Variants in PPFIBP2 observed in about 807,000 individuals in gnomAD.
The protein encoded by PPFIBP2 is liprin-beta-2.
Under a neutral mutation model 118.3 loss-of-function variants are expected in PPFIBP2, and 118 were observed. The ratio of observed to expected loss-of-function variants is 1.00; its 90% CI spans 0.86 to 1.16. The LOEUF is 1.16. PPFIBP2 is among the 50% of genes most tolerant of loss of function. PPFIBP2 has a pLI of 0.00. For synonymous variants in PPFIBP2, 414 were observed against 397.4 expected (o/e 1.04, Z -0.50); for missense variants, 1,195 against 1,073.1 (o/e 1.11, Z -1.59).
downstream of PPFIBP2, among the ~76,000 whole-genome samples, chr11:7,660,541 C>T (rs1045566796): frequency 1.3e-5 from 2 of 149,664 alleles, no homozygotes; most frequent in Admixed American, 6.7e-5. Context: ...CTGCTGGATT[C>T]GTTTTGCCAG....
At chr11:7,554,618 C>T (rs1275892982) in intron 2 of PPFIBP2, among the ~76,000 whole-genome samples, 1 of 152,000 alleles carries the variant, frequency 6.6e-6, no homozygotes, top group Non-Finnish European at 1.5e-5. Flanking sequence ...ATATGCCCCT[C>T]CAGAGCCACG....
At chr11:7,638,385 C>T (rs930748023) in intron 14 of PPFIBP2, among the ~76,000 whole-genome samples, 1 of 152,210 alleles carries the variant, frequency 6.6e-6, no homozygotes, top group African/African-American at 2.4e-5. Context: ...GTTACTTCTA[C>T]TCCACCAGCC....
the PPFIBP2 span, among the ~76,000 whole-genome samples, chr11:7,664,716 T>A: frequency 2.0e-5 from 3 of 151,840 alleles, no homozygotes; most frequent in African/African-American, 7.3e-5. Flanking sequence ...CCTGGAGAGA[T>A]GGGGGTGGCC....
At chr11:7,542,366 A>G (rs370634477) in intron 1 of PPFIBP2, among the ~76,000 whole-genome samples, 7 of 152,224 alleles carry the variant, frequency 4.6e-5, no homozygotes, top group East Asian at 1.9e-4. Context: ...TGTGCCTGCC[A>G]TGCCACATGT....
Position 7,610,353 on chromosome 11 carries a change from G to A in PPFIBP2, c.549G>A (p.Glu183=). The A allele has an allele frequency of 4.3e-6, 7 of 1,614,216 alleles. No homozygotes were observed. Among genetic ancestry groups the A allele is most frequent in the Non-Finnish European group, 5.9e-6 (7 of 1,180,038 alleles). Residue 183 remains glutamate (E), a synonymous_variant, in exon 6 of 24, where the codon GAG becomes GAA. Transcript: ENST00000299492. ...TCGATCTGATGACTGAAGTGTCTGA[G>A]CTGAAGCTCAAGCTGGTTGGCATGG... ...QKLDLMTEVS[E]LKLKLVGMEK...
chr11:7,562,929 T>TTATTTATA (rs1854463149), intron 2 of PPFIBP2, among the ~76,000 whole-genome samples: 1 of 86,536 alleles, frequency 1.2e-5, no homozygotes, highest in East Asian at 4.1e-4. Flanking sequence ...AATTAAAGTT[T>TTATTTATA]TATATATATA....
rs565536074 is a variant in PPFIBP2, at chr11:7,639,500, A to C, written c.1237-232A>C. On this transcript the variant is annotated intron_variant, in intron 14 of 23. Transcript: ENST00000299492. ...TAGAGTCAGTTTCAGTCAGCCCCAG[A>C]TTTGCACTTGACTCTGTCCCTGTCT... 4.6e-5 allele frequency among the ~76,000 whole-genome samples: 7 copies of C among 152,222 alleles called. No individual in the cohort carries two copies. The South Asian group carries it at 1.5e-3, about 32-fold the overall frequency.
At chr11:7,594,916 C>CAAAAAAAAA (rs58084975) in intron 4 of PPFIBP2, among the ~76,000 whole-genome samples, 7 of 64,020 alleles carry the variant, frequency 1.1e-4, no homozygotes, top group African/African-American at 2.2e-4. Context: ...GACTCCATCT[C>CAAAAAAAAA]AAAAAAAAAA....
chr11:7,597,546 A>T lies in PPFIBP2; in HGVS notation c.373-14A>T, dbSNP rs771913237. On this transcript the variant is annotated splice_polypyrimidine_tract_variant and intron_variant, in intron 4 of 23. Coordinates refer to ENST00000299492, the MANE Select transcript of PPFIBP2 (RefSeq NM_003621.5). ...ATCCCTGGTCCTCCACCATTGCTTT[A>T]TTTCCTGGAACAGGTGAGTGTCCTC... 1.2e-6 allele frequency: 2 copies of T among 1,610,322 alleles called. No homozygotes were observed. Among genetic ancestry groups the T allele is most frequent in the South Asian group, 2.2e-5 (2 of 90,628 alleles).
At chr11:7,523,079 G>A (rs1350544913) in intron 1 of PPFIBP2, among the ~76,000 whole-genome samples, 1 of 152,116 alleles carries the variant, frequency 6.6e-6, no homozygotes, top group Non-Finnish European at 1.5e-5. Flanking sequence ...GTCCGGTGTA[G>A]AGTCAGGATC....
chr11:7,580,832 A>C (rs1365818636), intron 3 of PPFIBP2, among the ~76,000 whole-genome samples: 1 of 152,216 alleles, frequency 6.6e-6, no homozygotes, highest in African/African-American at 2.4e-5. Flanking sequence ...GGAAATACTC[A>C]ATAACATGCT....
intron 1 of PPFIBP2, among the ~76,000 whole-genome samples, chr11:7,516,713 G>A (rs548873638): frequency 1.1e-4 from 16 of 152,242 alleles, no homozygotes; most frequent in East Asian, 3.9e-4. Flanking sequence ...GTACCCAGAC[G>A]GCCCCTCTCT....
At position 7,593,317 on chromosome 11, in the gene PPFIBP2, T is replaced by C. The variant is rs551476378; in HGVS notation, c.372+93T>C. On this transcript the variant is annotated intron_variant, in intron 4 of 23. Coordinates refer to ENST00000299492, the MANE Select transcript of PPFIBP2 (RefSeq NM_003621.5). ...AGGGAAGCCCAAGAGATTTTCTCTG[T>C]TGGAATTTTTCTCCTTCCAATGCCT... 4.8e-5 allele frequency: 72 copies of C among 1,495,422 alleles called. 1 individual carries two copies. In the South Asian group the frequency reaches 9.2e-4, roughly 19 times the overall value. 92.6% of individuals were successfully genotyped at this position (1,495,422 alleles called of 1,614,324 possible).
intron 8 of PPFIBP2, among the ~76,000 whole-genome samples, chr11:7,628,057 A>C (rs776506615): frequency 6.6e-6 from 1 of 152,202 alleles, no homozygotes; most frequent in Non-Finnish European, 1.5e-5. Flanking sequence ...GATTTTGCCC[A>C]TAAATGTCTA....
chr11:7,557,005 T>A (rs1837520684), intron 2 of PPFIBP2, among the ~76,000 whole-genome samples: 1 of 152,272 alleles, frequency 6.6e-6, no homozygotes, highest in Non-Finnish European at 1.5e-5. Flanking sequence ...GAAAAATTCA[T>A]AGCCATTTTC....
At chr11:7,582,974 G>GA (rs959362174) in intron 3 of PPFIBP2, among the ~76,000 whole-genome samples, 4 of 152,134 alleles carry the variant, frequency 2.6e-5, no homozygotes, top group African/African-American at 4.8e-5. Context: ...AATTCTCAGG[G>GA]AAAAAACAAA....
chr11:7,649,981 G>A (rs939950534), intron 21 of PPFIBP2, among the ~76,000 whole-genome samples: 1 of 152,152 alleles, frequency 6.6e-6, no homozygotes, highest in African/African-American at 2.4e-5. Context: ...CACAGTAGAA[G>A]AGAAGAGAAG....
intron 3 of PPFIBP2, among the ~76,000 whole-genome samples, chr11:7,570,348 G>C (rs1855524449): frequency 6.6e-6 from 1 of 152,196 alleles, no homozygotes; most frequent in South Asian, 2.1e-4. Context: ...AGAGCCAGCA[G>C]AGTCTCCATA....
chr11:7,590,817 T>TTC (rs1465482302), intron 3 of PPFIBP2, among the ~76,000 whole-genome samples: 3 of 152,162 alleles, frequency 2.0e-5, no homozygotes, highest in African/African-American at 7.2e-5. Flanking sequence ...AAGTAATGAG[T>TTC]TCTACTGGGC....
Sources: allele counts gnomAD v4.1 joint callset (sites outside exome capture counted in the v4.1 genomes callset), GRCh38; gene constraint gnomAD v4.1.1; transcripts MANE v1.5; gene names NCBI Gene and HGNC (gene_info 2026-07-23, HGNC 2026-07-21).